Variants in MYO16 observed in about 807,000 individuals in gnomAD.
MYO16 encodes myosin XVI, also known as unconventional myosin-XVI.
MYO16 carries 94 observed loss-of-function variants against 205.3 expected under a neutral mutation model. The observed-to-expected ratio is 0.46, with a 90% CI of 0.39 to 0.54. The LOEUF is 0.54. Ranked by LOEUF, MYO16 falls within the 20% of genes least tolerant of loss-of-function variation. MYO16 has a pLI of 0.00. For missense variants in MYO16, 2,315 were observed against 2,387.5 expected, an observed-to-expected ratio of 0.97 and a Z score of 0.63; for synonymous variants, 988 against 954.0, an observed-to-expected ratio of 1.04 and a Z score of -0.66.
intron 16 of MYO16, among the ~76,000 whole-genome samples, chr13:108,951,632 T>G (rs992476734): frequency 2.6e-5 from 4 of 152,314 alleles, no homozygotes; most frequent in African/African-American, 7.2e-5. Flanking sequence ...ACCATGCAAT[T>G]ATTATTTAAC....
At chr13:109,200,066 A>G (rs1184909874) in intron 34 of MYO16, among the ~76,000 whole-genome samples, 4 of 152,226 alleles carry the variant, frequency 2.6e-5, no homozygotes, top group East Asian at 1.9e-4. Flanking sequence ...ATGGAAATAA[A>G]GCAGATTAAA....
rs138780954 is a variant in MYO16 at position 108,775,486 on chromosome 13, C to G, written c.508-10149C>G. 2.1e-3 allele frequency among the ~76,000 whole-genome samples: 320 copies of G among 151,454 alleles called. 2 individuals are homozygous for G. The highest frequency in any genetic ancestry group is 7.5e-3 in the African/African-American group (311 of 41,388). ...TCACAAAATTTAGTAGATAGATTTG[C>G]TATGCCTGAGTGGTTCAAAATGGAG... On this transcript the variant is annotated intron_variant, in intron 4 of 34. Coordinates refer to ENST00000457511, the MANE Select transcript of MYO16 (RefSeq NM_001198950.3).
At chr13:108,902,695 T>C (rs1348086515) in intron 15 of MYO16, among the ~76,000 whole-genome samples, 1 of 152,136 alleles carries the variant, frequency 6.6e-6, no homozygotes, top group African/African-American at 2.4e-5. Flanking sequence ...AGTCTCTGCC[T>C]CTATTGACTC....
chr13:108,499,163 TG>T, the MYO16 span, among the ~76,000 whole-genome samples: 1 of 152,224 alleles, frequency 6.6e-6, no homozygotes, highest in East Asian at 1.9e-4. Context: ...GTTTTAAGCA[TG>T]GACTTTTTTT....
chr13:109,068,673 C>T (rs1403918645), intron 27 of MYO16, among the ~76,000 whole-genome samples: 1 of 150,620 alleles, frequency 6.6e-6, no homozygotes, highest in African/African-American at 2.4e-5. Flanking sequence ...CTCACTGCAA[C>T]CTCCACCTCC....
At chr13:108,526,818 A>T in the MYO16 span, among the ~76,000 whole-genome samples, 1 of 152,086 alleles carries the variant, frequency 6.6e-6, no homozygotes, top group Non-Finnish European at 1.5e-5. Context: ...ACATCTGCTG[A>T]TTCTACTGCT....
chr13:109,010,011 C>T (rs933876319), intron 22 of MYO16, among the ~76,000 whole-genome samples: 5 of 152,206 alleles, frequency 3.3e-5, no homozygotes, highest in Admixed American at 3.3e-4. Flanking sequence ...TCTTCCACTG[C>T]TAACCAGGGG....
chr13:109,118,383 A>G (rs1239060728), intron 28 of MYO16, among the ~76,000 whole-genome samples: 3 of 152,206 alleles, frequency 2.0e-5, no homozygotes, highest in African/African-American at 7.2e-5. Flanking sequence ...GTAAGAGATC[A>G]TACTCATTTT....
At chr13:108,926,727 A>G (rs540784354) in intron 16 of MYO16, among the ~76,000 whole-genome samples, 35 of 152,260 alleles carry the variant, frequency 2.3e-4, no homozygotes, top group African/African-American at 6.7e-4. Flanking sequence ...ATCGACATTC[A>G]CCAGGGGTGG....
chr13:109,158,826 T>C (rs1878211531), intron 32 of MYO16, among the ~76,000 whole-genome samples: 1 of 152,188 alleles, frequency 6.6e-6, no homozygotes, highest in African/African-American at 2.4e-5. Context: ...GTTTACAAAG[T>C]ATTACAAATG....
chr13:108,771,447 C>T (rs2138880662), intron 4 of MYO16, among the ~76,000 whole-genome samples: 1 of 152,274 alleles, frequency 6.6e-6, no homozygotes, highest in East Asian at 1.9e-4. Flanking sequence ...CCAGCATCCC[C>T]ACCAGAGTAG....
chr13:108,595,465 A>G (rs1198677537), upstream of MYO16, among the ~76,000 whole-genome samples: 1 of 152,214 alleles, frequency 6.6e-6, no homozygotes, highest in Admixed American at 6.5e-5. Flanking sequence ...TGCATATTAT[A>G]TAAGGTTACA....
intron 33 of MYO16, among the ~76,000 whole-genome samples, chr13:109,177,555 G>A (rs1361780538): frequency 1.3e-5 from 2 of 151,948 alleles, no homozygotes; most frequent in African/African-American, 4.8e-5. Context: ...GTCTCACTCT[G>A]TCACCCAGGC....
intron 14 of MYO16, among the ~76,000 whole-genome samples, chr13:108,893,603 T>A (rs960979310): frequency 6.6e-6 from 1 of 152,096 alleles, no homozygotes; most frequent in African/African-American, 2.4e-5. Flanking sequence ...TAGTAGAAAG[T>A]TTGAGGGTCA....
intron 29 of MYO16, 88 bp downstream of exon 29, chr13:109,120,554 G>A: frequency 1.1e-6 from 1 of 938,230 alleles, no homozygotes; most frequent in Non-Finnish European, 1.6e-6. Context: ...AATGTCGATG[G>A]GGTCTGCACC....
intron 1 of MYO16, among the ~76,000 whole-genome samples, chr13:108,637,641 A>G (rs9587640): frequency 0.13 from 19,634 of 152,052 alleles, 1,727 homozygotes; most frequent in South Asian, 0.25. Context: ...TTGGGAGGCC[A>G]AGGCGGGCAG....
Position 109,087,417 on chromosome 13 carries a change from G to T in MYO16, c.3336-13368G>T, listed in dbSNP as rs147378160. ...TCCCAGCACTTTGGAAGGCCGAGGT[G>T]GGCTGATCAGCTGAGGTCAGGAGTT... On this transcript the variant is annotated intron_variant, in intron 27 of 34. Coordinates refer to ENST00000457511, the MANE Select transcript of MYO16 (RefSeq NM_001198950.3). 7.6e-3 allele frequency among the ~76,000 whole-genome samples: 1,154 copies of T among 152,296 alleles called. 7 individuals are homozygous for T. Among genetic ancestry groups the T allele is most frequent in the Non-Finnish European group, 0.011 (746 of 68,020 alleles).
intron 12 of MYO16, among the ~76,000 whole-genome samples, chr13:108,870,021 G>C (rs1181516340): frequency 1.3e-5 from 2 of 151,182 alleles, no homozygotes; most frequent in African/African-American, 4.8e-5. Flanking sequence ...GAAATCTTTA[G>C]TAATTAAACC....
chr13:108,773,642 T>C (rs1301579488), intron 4 of MYO16, among the ~76,000 whole-genome samples: 1 of 152,140 alleles, frequency 6.6e-6, no homozygotes, highest in Non-Finnish European at 1.5e-5. Context: ...TCTTAACTAA[T>C]TACATCTGCA....
Sources: gnomAD v4.1 joint callset for allele counts (sites outside exome capture counted in the v4.1 genomes callset) on GRCh38, gnomAD v4.1.1 for gene constraint, MANE v1.5 for transcripts, NCBI Gene and HGNC (gene_info 2026-07-23, HGNC 2026-07-21) for gene names.